RPGRIP1L: variants seen among roughly 807,000 people sequenced by gnomAD.
RPGRIP1L encodes the protein RPGRIP1 like, also known as protein fantom.
In RPGRIP1L, 131 loss-of-function variants were observed where a neutral mutation model predicts 160.4. The ratio of observed to expected loss-of-function variants is 0.82; its 90% CI spans 0.71 to 0.94. RPGRIP1L has a LOEUF of 0.94. Ranked by LOEUF, RPGRIP1L falls within the 40% of genes least tolerant of loss-of-function variation. The pLI, the probability that RPGRIP1L is intolerant of heterozygous loss-of-function variation, is 0.00. For missense variants in RPGRIP1L, 1,522 were observed against 1,535.8 expected (o/e 0.99, Z 0.15); for synonymous variants, 510 against 515.8 (o/e 0.99, Z 0.15).
intron 6 of RPGRIP1L, among the ~76,000 whole-genome samples, chr16:53,685,171 T>C (rs1969912583): frequency 6.6e-6 from 1 of 152,134 alleles, no homozygotes; most frequent in African/African-American, 2.4e-5. Flanking sequence ...TGAGATACCA[T>C]CTCACACCAG....
chr16:53,603,754 C>T (rs986095103), intron 26 of RPGRIP1L, among the ~76,000 whole-genome samples: 2 of 151,682 alleles, frequency 1.3e-5, no homozygotes, highest in African/African-American at 2.4e-5. Context: ...ACTTGATACA[C>T]AAAGAGTTAG....
rs1567901830 is a variant in RPGRIP1L at position 53,700,528 on chromosome 16, G to A, written c.85+111C>T. 10 of 832,484 alleles carry A rather than the reference G, an allele frequency of 1.2e-5. No homozygotes were observed. In the East Asian group the frequency reaches 2.6e-4, roughly 22 times the overall value. 51.6% of individuals were successfully genotyped at this position (832,484 alleles called of 1,614,324 possible). A position where few individuals can be genotyped will look rare whatever the true frequency, so the allele number is the denominator to read the frequency against. On this transcript the variant is annotated intron_variant, in intron 2 of 26. Coordinates refer to ENST00000647211, the MANE Select transcript of RPGRIP1L (RefSeq NM_015272.5). Reference sequence around the variant, plus strand: ...CATCTTTTTGTTTAGTCCAATCAAGGACTATATAGTTACTTAAATGGTTTG... The same window carrying A: ...CATCTTTTTGTTTAGTCCAATCAAGAACTATATAGTTACTTAAATGGTTTG...
Position 53,629,864 on chromosome 16 carries a change from A to G in RPGRIP1L, c.3294+6575T>C, listed in dbSNP as rs560754379. On this transcript the variant is annotated intron_variant, in intron 22 of 26. Coordinates refer to ENST00000647211, the MANE Select transcript of RPGRIP1L (RefSeq NM_015272.5). ...TAAACGAACGGGTGGCTGGGTTCCA[A>G]TAACAGTAGAGGGCTGGATTTGGCA... Among the ~76,000 whole-genome samples the G allele has an allele frequency of 3.3e-5, 5 of 152,306 alleles. No homozygotes were observed. The South Asian group carries it at 1.0e-3, about 32-fold the overall frequency.
chr16:53,616,519 G>A (rs761708614), intron 24 of RPGRIP1L, among the ~76,000 whole-genome samples: 3 of 151,984 alleles, frequency 2.0e-5, no homozygotes, highest in South Asian at 2.1e-4. Flanking sequence ...TTCTAAGCAC[G>A]GAGTACATTC....
chr16:53,682,999 T>C (rs1005304038), intron 6 of RPGRIP1L, among the ~76,000 whole-genome samples: 3 of 152,158 alleles, frequency 2.0e-5, no homozygotes, highest in Non-Finnish European at 2.9e-5. Context: ...ATTTTACACA[T>C]AGTTTTTTAG....
At chr16:53,622,845 A>ACACACACACACACACACAC (rs1964827617) in intron 22 of RPGRIP1L, among the ~76,000 whole-genome samples, 1 of 147,536 alleles carries the variant, frequency 6.8e-6, no homozygotes, top group African/African-American at 2.5e-5. Context: ...ACACACACAC[A>ACACACACACACACACACAC]AATAGCCAGG....
At position 53,600,084 on chromosome 16, in the gene RPGRIP1L, T is replaced by TC. The variant is rs1963314383; in HGVS notation, c.*1991dup. The TC allele has an allele frequency of 6.6e-6, 1 of 152,514 alleles. No individual in the cohort carries two copies. Among genetic ancestry groups the TC allele is most frequent in the Admixed American group, 6.5e-5 (1 of 15,274 alleles). The allele number at this position is 152,514 out of a possible 1,614,324, so 9.4% of individuals were successfully genotyped here. The stretch of plus-strand genomic sequence containing the variant: ...AGAAGTCAGTGCAATCTGGTTCTTC[T>TC]CCCTGCAGAAGGGTTATTTAGTTTG... On this transcript the variant is annotated 3_prime_UTR_variant, in exon 27 of 27. Coordinates refer to ENST00000647211, the MANE Select transcript of RPGRIP1L (RefSeq NM_015272.5).
At chr16:53,607,539 A>G (rs189542043) in intron 25 of RPGRIP1L, among the ~76,000 whole-genome samples, 10 of 152,348 alleles carry the variant, frequency 6.6e-5, no homozygotes, top group Non-Finnish European at 1.3e-4. Context: ...TATAATGCAC[A>G]TATTATAACA....
rs1285695581 is a variant in RPGRIP1L at position 53,600,741 on chromosome 16, C to T, written c.*1335G>A. 2 of 152,508 alleles carry T rather than the reference C, an allele frequency of 1.3e-5. No homozygotes were observed. The highest frequency in any genetic ancestry group is 4.8e-5 in the African/African-American group (2 of 41,416). 9.4% of individuals were successfully genotyped at this position (152,508 alleles called of 1,614,324 possible). A position where few individuals can be genotyped will look rare whatever the true frequency, so the allele number is the denominator to read the frequency against. On this transcript the variant is annotated 3_prime_UTR_variant, in exon 27 of 27. Transcript: ENST00000647211. ...ATCTATTCCATCTTCTTGCCATTAG[C>T]AGGCTTTGAATGTTCACAAATAGGA...
chr16:53,647,676 G>T (rs1442866088), intron 16 of RPGRIP1L, among the ~76,000 whole-genome samples: 2 of 152,206 alleles, frequency 1.3e-5, no homozygotes. Flanking sequence ...CAGCTCCATG[G>T]ATTGGAGGTG....
chr16:53,601,764 T>C lies in RPGRIP1L; in HGVS notation c.*312A>G, dbSNP rs1598196891. 3.8e-6 allele frequency: 1 copy of C among 262,226 alleles called. No individual in the cohort carries two copies. The highest frequency in any genetic ancestry group is 7.6e-5 in the East Asian group (1 of 13,134). 16.2% of individuals were successfully genotyped at this position (262,226 alleles called of 1,614,324 possible). On this transcript the variant is annotated 3_prime_UTR_variant, in exon 27 of 27. Coordinates refer to ENST00000647211, the MANE Select transcript of RPGRIP1L (RefSeq NM_015272.5). ...AATAAAAATGGGAATTGCATTTCGG[T>C]TCTTCCTAAGAAAATGTTGAAAATG...
chr16:53,677,892 T>C (rs1567870513), intron 6 of RPGRIP1L, among the ~76,000 whole-genome samples: 6 of 152,150 alleles, frequency 3.9e-5, no homozygotes, highest in South Asian at 2.1e-4. Context: ...ATACCAAATC[T>C]TCAGGATGAT....
chr16:53,663,187 A>T (rs2151189639), intron 10 of RPGRIP1L, among the ~76,000 whole-genome samples: 1 of 152,116 alleles, frequency 6.6e-6, no homozygotes, highest in African/African-American at 2.4e-5. Context: ...TATGTTTATT[A>T]TTAAAAAAAA....
intron 9 of RPGRIP1L, among the ~76,000 whole-genome samples, chr16:53,669,230 T>C (rs1968518924): frequency 6.6e-6 from 1 of 152,212 alleles, no homozygotes; most frequent in African/African-American, 2.4e-5. Context: ...ATGTATCATA[T>C]ATTTCAAAAA....
intron 10 of RPGRIP1L, 35 bp from the exon 11 acceptor site, chr16:53,658,913 G>A (rs1405407298): frequency 1.5e-6 from 2 of 1,336,194 alleles, no homozygotes; most frequent in Admixed American, 3.8e-5. Flanking sequence ...GGAAAGGTAA[G>A]TAAAAATCAG....
At chr16:53,636,028 A>C (rs1439997687) in intron 22 of RPGRIP1L, among the ~76,000 whole-genome samples, 1 of 152,188 alleles carries the variant, frequency 6.6e-6, no homozygotes. Flanking sequence ...TTATCAGTGG[A>C]TATATCTAGG....
chr16:53,700,646 C>T lies in RPGRIP1L; in HGVS notation c.78G>A (p.Gly26=), dbSNP rs1276297529. The change falls in exon 2 of 27, where the codon GGG becomes GGA. Residue 26 remains glycine, a synonymous_variant. Transcript: ENST00000647211. ...DTGLNLFGMG[G]LQETSTTRTM... The stretch of plus-strand genomic sequence containing the variant: ...AATAACAGCTGGCCATACCTTGTAA[C>T]CCTCCCATTCCAAAGAGGTTTAGAC... 1.9e-6 allele frequency: 3 copies of T among 1,611,130 alleles called. No individual in the cohort carries two copies. The highest frequency in any genetic ancestry group is 8.5e-7 in the Non-Finnish European group (1 of 1,177,856).
chr16:53,667,732 G>A (rs1018340075), intron 9 of RPGRIP1L, among the ~76,000 whole-genome samples: 2 of 152,086 alleles, frequency 1.3e-5, no homozygotes, highest in African/African-American at 4.8e-5. Context: ...AATTAGGCAG[G>A]TGTGGTGACA....
chr16:53,666,335 T>G (rs529853884), intron 9 of RPGRIP1L, among the ~76,000 whole-genome samples: 2 of 152,108 alleles, frequency 1.3e-5, no homozygotes, highest in Non-Finnish European at 2.9e-5. Flanking sequence ...TCATTTCACT[T>G]ATGGAAACTT....
Sources: allele counts gnomAD v4.1 joint callset (sites outside exome capture counted in the v4.1 genomes callset), GRCh38; gene constraint gnomAD v4.1.1; transcripts MANE v1.5; gene names NCBI Gene and HGNC (gene_info 2026-07-23, HGNC 2026-07-21).